The following ACSBG1 variants were observed in gnomAD, a reference collection of about 807,000 sequenced individuals.
The protein encoded by ACSBG1 is long-chain-fatty-acid--CoA ligase ACSBG1.
Under a neutral mutation model 80.2 loss-of-function variants are expected in ACSBG1, and 39 were observed. The ratio of observed to expected loss-of-function variants is 0.49; its 90% CI spans 0.38 to 0.64. ACSBG1 has a LOEUF of 0.64. Among genes scored for constraint, ACSBG1 ranks in the 30% least tolerant of loss-of-function variants. The pLI is 0.00. For synonymous variants in ACSBG1, 392 were observed against 379.5 expected (o/e 1.03, Z -0.38); for missense variants, 828 against 966.4 (o/e 0.86, Z 1.90).
Position 78,168,181 on chromosome 15 carries a change from A to G in ACSBG1, c.*3263T>C, listed in dbSNP as rs1456849630. Reference sequence around the variant, plus strand: ...GTGGTGCATGCCTGTAGTTGCAGCTATAGGCTGAGGCAGGAGGATCACCTT... The same window carrying G: ...GTGGTGCATGCCTGTAGTTGCAGCTGTAGGCTGAGGCAGGAGGATCACCTT... On this transcript the variant is annotated 3_prime_UTR_variant, in exon 14 of 14. Transcript: ENST00000258873. The G allele has an allele frequency of 6.6e-6, 1 of 151,964 alleles. No homozygotes were observed. Among genetic ancestry groups the G allele is most frequent in the Non-Finnish European group, 1.5e-5 (1 of 68,024 alleles). The allele number at this position is 151,964 out of a possible 1,614,324, so 9.4% of individuals were successfully genotyped here.
At position 78,182,264 on chromosome 15, in the gene ACSBG1, C is replaced by T. The variant is rs1338200093; in HGVS notation, c.895-119G>A. The stretch of plus-strand genomic sequence containing the variant: ...GTGCCCCCTGTGGCGATTCTGCAGG[C>T]TCTGAAAACCCCAGGACAGGCCTCC... On this transcript the variant is annotated intron_variant, in intron 7 of 13. Transcript: ENST00000258873. 34 of 1,388,346 alleles carry T rather than the reference C, an allele frequency of 2.4e-5. No individual in the cohort carries two copies. The Admixed American group carries it at 2.7e-4, about 11-fold the overall frequency. The allele number at this position is 1,388,346 out of a possible 1,614,324, so 86.0% of individuals were successfully genotyped here.
At chr15:78,211,067 T>C (rs540075107) in intron 1 of ACSBG1, among the ~76,000 whole-genome samples, 1 of 152,370 alleles carries the variant, frequency 6.6e-6, no homozygotes, top group Admixed American at 6.5e-5. Context: ...AGAACTTAGG[T>C]TACATTGGGG....
intron 1 of ACSBG1, among the ~76,000 whole-genome samples, chr15:78,229,781 C>T (rs1018577473): frequency 1.3e-5 from 2 of 152,134 alleles, no homozygotes; most frequent in Non-Finnish European, 2.9e-5. Context: ...AACCCCAAAC[C>T]AGGCTCTCCC....
At chr15:78,196,099 G>A (rs542816609) in intron 2 of ACSBG1, among the ~76,000 whole-genome samples, 1 of 152,292 alleles carries the variant, frequency 6.6e-6, no homozygotes, top group East Asian at 1.9e-4. Flanking sequence ...CGGGACAGGG[G>A]AGGGTGCCAG....
chr15:78,208,145 G>C (rs776785993), intron 1 of ACSBG1, 43 bp from the exon 2 acceptor site: 2 of 1,524,534 alleles, frequency 1.3e-6, no homozygotes, highest in Non-Finnish European at 1.8e-6. Context: ...ATTAGAACGT[G>C]GGGGACCGGC....
In ACSBG1 at chr15:78,188,164, G is replaced by C. The variant is rs368776131; in HGVS notation, c.663+5342C>G. Among the ~76,000 whole-genome samples the C allele has an allele frequency of 2.6e-5, 4 of 152,048 alleles. No individual in the cohort carries two copies. In the South Asian group the frequency reaches 6.2e-4, roughly 24 times the overall value. On this transcript the variant is annotated intron_variant, in intron 5 of 13. Coordinates refer to ENST00000258873, the MANE Select transcript of ACSBG1 (RefSeq NM_015162.5). ...AGGAGAAGTACAAACCACTGCTCAA[G>C]GAAATAAAAGAGGATACAAACAAAT...
At chr15:78,218,801 TCGC>T (rs2075334566) in intron 1 of ACSBG1, among the ~76,000 whole-genome samples, 2 of 42,364 alleles carry the variant, frequency 4.7e-5, no homozygotes, top group African/African-American at 8.8e-5. Context: ...AGACGGAGTA[TCGC>T]TCTCCTTTTT....
At chr15:78,194,095 C>T in intron 3 of ACSBG1, 75 bp from the exon 4 acceptor site, 1 of 1,446,234 alleles carries the variant, frequency 6.9e-7, no homozygotes, top group Admixed American at 1.7e-5. Flanking sequence ...AGAGCCCCCA[C>T]CCAGACTGCA....
chr15:78,221,209 G>T (rs1026695520), intron 1 of ACSBG1, among the ~76,000 whole-genome samples: 10 of 152,256 alleles, frequency 6.6e-5, no homozygotes, highest in East Asian at 1.9e-4. Context: ...ACCGGCGCCG[G>T]TCTCTGAGTT....
At position 78,171,382 on chromosome 15, in the gene ACSBG1, C is replaced by A. The variant is rs1255772829; in HGVS notation, c.*62G>T. Reference sequence around the variant, plus strand: ...GTGCCCAGACTGAAGAGACCTGGGGCTCAGGAAGAGGCTCGGAACGCCTGC... The same window carrying A: ...GTGCCCAGACTGAAGAGACCTGGGGATCAGGAAGAGGCTCGGAACGCCTGC... On this transcript the variant is annotated 3_prime_UTR_variant, in exon 14 of 14. Coordinates refer to ENST00000258873, the MANE Select transcript of ACSBG1 (RefSeq NM_015162.5). 6 of 1,427,646 alleles carry A rather than the reference C, an allele frequency of 4.2e-6. No individual in the cohort carries two copies. Among genetic ancestry groups the A allele is most frequent in the Non-Finnish European group, 5.9e-6 (6 of 1,018,890 alleles). The allele number at this position is 1,427,646 out of a possible 1,614,324, so 88.4% of individuals were successfully genotyped here.
rs1370859916 is a variant in ACSBG1, at chr15:78,177,606, C to T, written c.1702+1008G>A. 6.6e-6 allele frequency among the ~76,000 whole-genome samples: 1 copy of T among 152,156 alleles called. No homozygotes were observed. Among genetic ancestry groups the T allele is most frequent in the African/African-American group, 2.4e-5 (1 of 41,432 alleles). ...AGCAGTCACCTGTTGCTCCCGGGGTCTCACTGGAGGGTACCTCCAGGGCTC... is the reference window on the plus strand; with the variant it reads ...AGCAGTCACCTGTTGCTCCCGGGGTTTCACTGGAGGGTACCTCCAGGGCTC... On this transcript the variant is annotated intron_variant, in intron 11 of 13. Transcript: ENST00000258873. The surrounding 1 kb of genome is among the most constrained non-coding windows in gnomAD (Gnocchi z 4.1).
intron 5 of ACSBG1, 46 bp from the exon 6 acceptor site, chr15:78,182,831 C>A: frequency 1.9e-6 from 3 of 1,604,448 alleles, no homozygotes; most frequent in South Asian, 1.1e-5. Flanking sequence ...AGAGAAATGT[C>A]ACCTTCTAAA....
At chr15:78,187,144 T>G (rs1595885687) in intron 5 of ACSBG1, among the ~76,000 whole-genome samples, 1 of 152,210 alleles carries the variant, frequency 6.6e-6, no homozygotes, top group African/African-American at 2.4e-5. Context: ...ACTCTCTGAA[T>G]AGACCAATAA....
intron 5 of ACSBG1, among the ~76,000 whole-genome samples, chr15:78,184,252 C>T (rs1008261122): frequency 1.3e-5 from 2 of 152,166 alleles, no homozygotes; most frequent in Non-Finnish European, 2.9e-5. Flanking sequence ...TGGCCCACTG[C>T]AGCCTCAAAC....
intron 2 of ACSBG1, among the ~76,000 whole-genome samples, chr15:78,199,157 CTCAT>C (rs2075143753): frequency 6.6e-6 from 1 of 151,632 alleles, no homozygotes; most frequent in Non-Finnish European, 1.5e-5. Context: ...GAGACAGGGT[CTCAT>C]TCTGTCACCC....
At chr15:78,217,351 G>A (rs2075320725) in intron 1 of ACSBG1, among the ~76,000 whole-genome samples, 1 of 152,140 alleles carries the variant, frequency 6.6e-6, no homozygotes, top group East Asian at 1.9e-4. Flanking sequence ...AATTGACAAG[G>A]TCCTTTGGTT....
rs35284793 is a variant in ACSBG1, at chr15:78,168,257, TA to T, written c.*3186del. The T allele has an allele frequency of 0.34, 50,108 of 146,144 alleles. 8,817 individuals carry two copies. Among genetic ancestry groups the T allele is most frequent in the Non-Finnish European group, 0.42 (27,768 of 66,414 alleles). 9.1% of individuals were successfully genotyped at this position (146,144 alleles called of 1,614,324 possible). On this transcript the variant is annotated 3_prime_UTR_variant, in exon 14 of 14. Coordinates refer to ENST00000258873, the MANE Select transcript of ACSBG1 (RefSeq NM_015162.5). ...GGCCACATAGTGAGACCCCGTCTCT[TA>T]AAAAAAAAAAAAAGAGTTAATGATT... is the stretch of plus-strand genomic sequence containing the variant.
chr15:78,182,280 A>G, intron 7 of ACSBG1, 135 bp from the exon 8 acceptor site: 2 of 1,332,918 alleles, frequency 1.5e-6, no homozygotes, highest in African/African-American at 2.9e-5. Flanking sequence ...AAACCCCAGG[A>G]CAGGCCTCCC....
chr15:78,173,909 G>A, intron 12 of ACSBG1, 70 bp from the exon 13 acceptor site: 1 of 1,546,414 alleles, frequency 6.5e-7, no homozygotes, highest in Non-Finnish European at 8.7e-7. Flanking sequence ...CCTGGAGGAG[G>A]TCTTACTGCT....
Sources: gnomAD v4.1 joint callset for allele counts (sites outside exome capture counted in the v4.1 genomes callset) on GRCh38, gnomAD v4.1.1 for gene constraint, Gnocchi (gnomAD v3.1) non-coding constraint, MANE v1.5 for transcripts, NCBI Gene and HGNC (gene_info 2026-07-23, HGNC 2026-07-21) for gene names.